The following FMN1 variants were observed in gnomAD, a reference collection of about 807,000 sequenced individuals.
The protein encoded by FMN1 is formin-1.
A neutral mutation model predicts 132.4 loss-of-function variants in FMN1; 110 were observed. The observed-to-expected ratio is 0.83, with a 90% CI of 0.71 to 0.97. The LOEUF (loss-of-function observed/expected upper bound fraction) is 0.97, where lower values mean the gene tolerates loss of function less well. Ranked by LOEUF, FMN1 falls within the 50% of genes least tolerant of loss-of-function variation. The pLI is 0.00. For synonymous variants in FMN1, 722 were observed against 651.7 expected (o/e 1.11, Z -1.64); for missense variants, 1,792 against 1,705.3 (o/e 1.05, Z -0.90).
intron 9 of FMN1, among the ~76,000 whole-genome samples, chr15:32,944,889 C>T (rs2061476458): frequency 6.6e-6 from 1 of 152,070 alleles, no homozygotes; most frequent in African/African-American, 2.4e-5. Flanking sequence ...ATCATGGAGT[C>T]TTGCGGGAAG....
intron 7 of FMN1, among the ~76,000 whole-genome samples, chr15:32,985,547 G>C (rs1181441110): frequency 6.6e-6 from 1 of 152,162 alleles, no homozygotes; most frequent in Admixed American, 6.6e-5. Context: ...AACCAAGGAA[G>C]AAGGAACTGT....
At chr15:32,858,074 C>G (rs1448506937) in intron 16 of FMN1, among the ~76,000 whole-genome samples, 2 of 152,182 alleles carry the variant, frequency 1.3e-5, no homozygotes, top group Admixed American at 6.5e-5. Context: ...TATCATGCCA[C>G]CTGGGGTTCA....
intron 7 of FMN1, among the ~76,000 whole-genome samples, chr15:32,985,642 G>A (rs2033017102): frequency 6.6e-6 from 1 of 152,100 alleles, no homozygotes; most frequent in South Asian, 2.1e-4. Flanking sequence ...CCTCAGCCAG[G>A]TCACAGCTGC....
intron 4 of FMN1, among the ~76,000 whole-genome samples, chr15:33,114,234 G>T (rs2039823910): frequency 1.3e-5 from 2 of 152,188 alleles, no homozygotes; most frequent in African/African-American, 4.8e-5. Flanking sequence ...CAGGCCTATG[G>T]GTTATTATTT....
intron 9 of FMN1, among the ~76,000 whole-genome samples, chr15:32,942,092 CCT>C (rs2061413197): frequency 6.6e-6 from 1 of 152,196 alleles, no homozygotes; most frequent in Admixed American, 6.5e-5. Flanking sequence ...TTTCCAGACC[CCT>C]GCCACATGCC....
At chr15:32,831,364 C>T (rs1244993655) in intron 17 of FMN1, among the ~76,000 whole-genome samples, 1 of 152,008 alleles carries the variant, frequency 6.6e-6, no homozygotes, top group East Asian at 1.9e-4. Context: ...AATACAGGCA[C>T]CTGGCTAATA....
At chr15:32,897,959 C>CA (rs1163110106) in intron 15 of FMN1, among the ~76,000 whole-genome samples, 1 of 152,120 alleles carries the variant, frequency 6.6e-6, no homozygotes, top group Non-Finnish European at 1.5e-5. Context: ...ATATTCTTAA[C>CA]AGAAATCAGG....
chr15:33,155,176 C>A, intron 3 of FMN1, 131 bp from the exon 4 acceptor site: 1 of 370,038 alleles, frequency 2.7e-6, no homozygotes. Flanking sequence ...AGGAATCAGA[C>A]AACAGCCAGA....
intron 5 of FMN1, among the ~76,000 whole-genome samples, chr15:33,087,124 T>C (rs1462528626): frequency 6.6e-6 from 1 of 152,206 alleles, no homozygotes. Flanking sequence ...TAAAGAGGGA[T>C]TGCAGAGAAT....
At chr15:33,121,796 G>A (rs1463115179) in intron 4 of FMN1, among the ~76,000 whole-genome samples, 2 of 152,138 alleles carry the variant, frequency 1.3e-5, no homozygotes, top group Admixed American at 6.5e-5. Context: ...CTCCCAAAGT[G>A]CTAGGATTAT....
At chr15:32,938,335 C>T (rs373911466) in intron 9 of FMN1, among the ~76,000 whole-genome samples, 1 of 151,962 alleles carries the variant, frequency 6.6e-6, no homozygotes, top group African/African-American at 2.4e-5. Context: ...TCGGGACCAG[C>T]CTGGTCAACA....
intron 3 of FMN1, among the ~76,000 whole-genome samples, chr15:33,170,206 A>C (rs1400371091): frequency 1.3e-5 from 2 of 152,178 alleles, no homozygotes; most frequent in Non-Finnish European, 2.9e-5. Context: ...GGAAAACTGG[A>C]CATCCATCTG....
intron 4 of FMN1, among the ~76,000 whole-genome samples, chr15:33,143,323 C>A (rs1295553633): frequency 6.6e-6 from 1 of 152,104 alleles, no homozygotes; most frequent in Non-Finnish European, 1.5e-5. Context: ...CATTGTTTAA[C>A]ATAGGAAAAA....
intron 4 of FMN1, among the ~76,000 whole-genome samples, chr15:33,119,265 C>T (rs945667108): frequency 6.6e-6 from 1 of 152,148 alleles, no homozygotes; most frequent in African/African-American, 2.4e-5. Context: ...CTGGGGTTAC[C>T]GACCTCCTGT....
chr15:33,103,832 A>T (rs2039383491), intron 4 of FMN1, among the ~76,000 whole-genome samples: 1 of 152,122 alleles, frequency 6.6e-6, no homozygotes, highest in African/African-American at 2.4e-5. Context: ...TCTTTAATTT[A>T]GGAACCTGTT....
chr15:33,061,797 T>C lies in FMN1; in HGVS notation c.2161+3160A>G, dbSNP rs565503800. ...AAATAATTATTCCAAAAGTCTGGTA[T>C]GGAATTAATTAGCAATTTAGAAAAA... On this transcript the variant is annotated intron_variant, in intron 6 of 20. Coordinates refer to ENST00000616417, the MANE Select transcript of FMN1 (RefSeq NM_001277313.2). 1.1e-3 allele frequency among the ~76,000 whole-genome samples: 161 copies of C among 152,250 alleles called. 1 individual carries two copies. Among genetic ancestry groups the C allele is most frequent in the African/African-American group, 3.5e-3 (145 of 41,568 alleles).
chr15:33,096,114 G>A (rs1455720592), intron 4 of FMN1, among the ~76,000 whole-genome samples: 1 of 151,998 alleles, frequency 6.6e-6, no homozygotes, highest in East Asian at 1.9e-4. Flanking sequence ...TAGTGAGAAT[G>A]AAAGGACATT....
chr15:32,798,783 A>G, intron 19 of FMN1, 21 bp downstream of exon 19: 1 of 1,601,898 alleles, frequency 6.2e-7, no homozygotes, highest in Non-Finnish European at 8.5e-7. Context: ...GGAGGCATTA[A>G]AATCTTTTTT....
chr15:32,870,632 T>C (rs1054739803), intron 16 of FMN1, among the ~76,000 whole-genome samples: 1 of 152,180 alleles, frequency 6.6e-6, no homozygotes, highest in African/African-American at 2.4e-5. Flanking sequence ...AGTCAGAATT[T>C]CCACTGTGAT....
Sources: gnomAD v4.1 joint callset for allele counts (sites outside exome capture counted in the v4.1 genomes callset) on GRCh38, gnomAD v4.1.1 for gene constraint, MANE v1.5 for transcripts, NCBI Gene and HGNC (gene_info 2026-07-23, HGNC 2026-07-21) for gene names.